SLAIN2: variants seen among roughly 807,000 people sequenced by gnomAD.
SLAIN2 encodes SLAIN family member 2.
SLAIN2 carries 31 observed loss-of-function variants against 56.6 expected under a neutral mutation model. The observed-to-expected ratio is 0.55, with a 90% CI of 0.41 to 0.74. The LOEUF is 0.74. Among genes scored for constraint, SLAIN2 ranks in the 30% least tolerant of loss-of-function variants. The pLI, the probability that SLAIN2 is intolerant of heterozygous loss-of-function variation, is 0.00. For missense variants in SLAIN2, 777 were observed against 754.2 expected, an observed-to-expected ratio of 1.03 and a Z score of -0.35; for synonymous variants, 317 against 284.9, an observed-to-expected ratio of 1.11 and a Z score of -1.13.
At chr4:48,343,163 A>C (rs565107781) in intron 1 of SLAIN2, among the ~76,000 whole-genome samples, 1 of 152,204 alleles carries the variant, frequency 6.6e-6, no homozygotes, top group African/African-American at 2.4e-5. Context: ...GGAACTTTGC[A>C]GTGTTCTGAG....
intron 6 of SLAIN2, among the ~76,000 whole-genome samples, chr4:48,414,348 G>A (rs1208736097): frequency 6.6e-6 from 1 of 152,176 alleles, no homozygotes; most frequent in Non-Finnish European, 1.5e-5. Context: ...GGAAATTCAT[G>A]TGTAGCAGAC....
chr4:48,421,713 A>G (rs16861286), intron 7 of SLAIN2, among the ~76,000 whole-genome samples: 4,687 of 151,806 alleles, frequency 0.031, 252 homozygotes, highest in African/African-American at 0.11. Context: ...AATAATAAGT[A>G]AATGATAAGG....
chr4:48,373,634 T>G (rs1715726442), intron 2 of SLAIN2, among the ~76,000 whole-genome samples: 1 of 151,612 alleles, frequency 6.6e-6, no homozygotes, highest in South Asian at 2.1e-4. Context: ...TTTTTAGTGG[T>G]ATATATATAT....
At chr4:48,420,028 C>A in intron 6 of SLAIN2, 97 bp from the exon 7 acceptor site, 1 of 1,201,884 alleles carries the variant, frequency 8.3e-7, no homozygotes, top group Non-Finnish European at 1.2e-6. Flanking sequence ...CCTGAATACA[C>A]ATGTACTAGT....
chr4:48,393,322 C>A lies in SLAIN2; in HGVS notation c.1360+9538C>A, dbSNP rs1221290302. Among the ~76,000 whole-genome samples the A allele has an allele frequency of 3.3e-5, 5 of 152,072 alleles. No individual in the cohort carries two copies. The East Asian group carries it at 9.7e-4, about 29-fold the overall frequency. On this transcript the variant is annotated intron_variant, in intron 6 of 7. Transcript: ENST00000264313. ...CACTGCAGCCATAACCTCCTGGGCTCAAGCACTCCTCCCACCTCAGCCTCC... is the reference window on the plus strand; with the variant it reads ...CACTGCAGCCATAACCTCCTGGGCTAAAGCACTCCTCCCACCTCAGCCTCC...
At chr4:48,416,454 T>G (rs1484377914) in intron 6 of SLAIN2, among the ~76,000 whole-genome samples, 1 of 134,910 alleles carries the variant, frequency 7.4e-6, no homozygotes, top group Non-Finnish European at 1.6e-5. Context: ...CTTAAGGAGA[T>G]TTTGGGCTGA....
chr4:48,350,641 T>C (rs1232267772), intron 1 of SLAIN2, among the ~76,000 whole-genome samples: 1 of 152,210 alleles, frequency 6.6e-6, no homozygotes, highest in Non-Finnish European at 1.5e-5. Context: ...TTATTTCACC[T>C]CTTTCATTTA....
chr4:48,412,474 T>C (rs1381642017), intron 6 of SLAIN2, among the ~76,000 whole-genome samples: 1 of 143,134 alleles, frequency 7.0e-6, no homozygotes, highest in Non-Finnish European at 1.6e-5. Flanking sequence ...GTGGCTAAGG[T>C]TTTCAGTTGA....
chr4:48,366,589 A>G (rs1384200963), intron 1 of SLAIN2, among the ~76,000 whole-genome samples: 1 of 152,086 alleles, frequency 6.6e-6, no homozygotes, highest in Non-Finnish European at 1.5e-5. Context: ...TTTTGTAGTT[A>G]CTTTTTCATG....
At chr4:48,364,578 T>C (rs1715454660) in intron 1 of SLAIN2, among the ~76,000 whole-genome samples, 1 of 94,636 alleles carries the variant, frequency 1.1e-5, no homozygotes, top group Non-Finnish European at 2.5e-5. Flanking sequence ...CACTCCAGCC[T>C]GGGCACCATT....
chr4:48,421,939 T>C, intron 7 of SLAIN2, 72 bp from the exon 8 acceptor site: 3 of 1,192,238 alleles, frequency 2.5e-6, no homozygotes, highest in Non-Finnish European at 3.6e-6. Flanking sequence ...AATTAATATA[T>C]GTGTGAGATA....
At chr4:48,370,140 C>A in intron 2 of SLAIN2, 143 bp downstream of exon 2, 1 of 826,882 alleles carries the variant, frequency 1.2e-6, no homozygotes, top group Non-Finnish European at 1.8e-6. Flanking sequence ...AGAGTTTTTC[C>A]CATGTTCACA....
At chr4:48,387,795 C>T (rs1461277335) in intron 6 of SLAIN2, among the ~76,000 whole-genome samples, 2 of 151,842 alleles carry the variant, frequency 1.3e-5, no homozygotes, top group African/African-American at 4.8e-5. Flanking sequence ...ATATTTGATA[C>T]ATGAAAATAT....
At chr4:48,354,236 T>A (rs1313965260) in intron 1 of SLAIN2, among the ~76,000 whole-genome samples, 3 of 152,206 alleles carry the variant, frequency 2.0e-5, no homozygotes, top group Admixed American at 6.5e-5. Flanking sequence ...TCCTGGGCTA[T>A]ATAAAGTGAA....
Position 48,372,351 on chromosome 4 carries a change from T to C in SLAIN2, c.538+2354T>C, listed in dbSNP as rs142078932. On this transcript the variant is annotated intron_variant, in intron 2 of 7. Transcript: ENST00000264313. Reference sequence around the variant, plus strand: ...AAAGCCAGATAATAAACAATTTTAGTCTTTGTTGCCTGTAAGATCTCTGTT... The same window carrying C: ...AAAGCCAGATAATAAACAATTTTAGCCTTTGTTGCCTGTAAGATCTCTGTT... Among the ~76,000 whole-genome samples, 593 of 152,256 alleles carry C rather than the reference T, an allele frequency of 3.9e-3. 4 individuals carry two copies. Among genetic ancestry groups the C allele is most frequent in the African/African-American group, 0.013 (527 of 41,534 alleles).
chr4:48,378,108 C>T lies in SLAIN2; in HGVS notation c.703+48C>T, dbSNP rs778743835. 4.5e-6 allele frequency: 7 copies of T among 1,554,816 alleles called. No individual in the cohort carries two copies. The Admixed American group carries it at 1.2e-4, about 26-fold the overall frequency. On this transcript the variant is annotated intron_variant, in intron 3 of 7. Coordinates refer to ENST00000264313, the MANE Select transcript of SLAIN2 (RefSeq NM_020846.2). The stretch of plus-strand genomic sequence containing the variant: ...CTATTAAGGAATGTTTTTTAGCTTA[C>T]TGCACTGTATCAGAAAATAACATTC...
chr4:48,368,672 G>T (rs747693246), intron 1 of SLAIN2, among the ~76,000 whole-genome samples: 1 of 152,140 alleles, frequency 6.6e-6, no homozygotes, highest in Non-Finnish European at 1.5e-5. Flanking sequence ...GAAAGAGAAT[G>T]AACCCCATTG....
At chr4:48,372,987 G>A (rs1265330745) in intron 2 of SLAIN2, among the ~76,000 whole-genome samples, 2 of 151,942 alleles carry the variant, frequency 1.3e-5, no homozygotes, top group South Asian at 2.1e-4. Flanking sequence ...ACTCAGGTTC[G>A]CTGCAGCGCA....
At chr4:48,348,753 T>C (rs543091831) in intron 1 of SLAIN2, among the ~76,000 whole-genome samples, 4 of 152,088 alleles carry the variant, frequency 2.6e-5, no homozygotes, top group African/African-American at 7.2e-5. Flanking sequence ...TGAGGAGATA[T>C]TTAGCAGCGG....
Sources: allele counts gnomAD v4.1 joint callset (sites outside exome capture counted in the v4.1 genomes callset), GRCh38; gene constraint gnomAD v4.1.1; transcripts MANE v1.5; gene names NCBI Gene and HGNC (gene_info 2026-07-23, HGNC 2026-07-21).